Variants in ADAMTS3 observed in about 807,000 individuals in gnomAD.
ADAMTS3 encodes ADAM metallopeptidase with thrombospondin type 1 motif 3, also known as A disintegrin and metalloproteinase with thrombospondin motifs 3.
ADAMTS3 carries 73 observed loss-of-function variants against 129.0 expected under a neutral mutation model. That is an observed-to-expected ratio of 0.57 (90% CI 0.47 to 0.69). ADAMTS3 has a LOEUF of 0.69. Ranked by LOEUF, ADAMTS3 falls within the 30% of genes least tolerant of loss-of-function variation. The pLI, the probability that ADAMTS3 is intolerant of heterozygous loss-of-function variation, is 0.00. For missense variants in ADAMTS3, 1,457 were observed against 1,514.5 expected, an observed-to-expected ratio of 0.96 and a Z score of 0.63; for synonymous variants, 477 against 510.8, an observed-to-expected ratio of 0.93 and a Z score of 0.89.
At chr4:72,547,898 T>A (rs1219607473) in intron 3 of ADAMTS3, among the ~76,000 whole-genome samples, 4 of 152,042 alleles carry the variant, frequency 2.6e-5, no homozygotes, top group Non-Finnish European at 5.9e-5. Flanking sequence ...ACCACAAAAC[T>A]GAAAAGCAAC....
At chr4:72,492,058 A>G (rs2110015877) in intron 3 of ADAMTS3, among the ~76,000 whole-genome samples, 1 of 151,758 alleles carries the variant, frequency 6.6e-6, no homozygotes, top group East Asian at 1.9e-4. Flanking sequence ...TCGGGATATA[A>G]TTGTTTATAA....
At chr4:72,450,448 G>A (rs1307917833) in intron 3 of ADAMTS3, among the ~76,000 whole-genome samples, 1 of 151,620 alleles carries the variant, frequency 6.6e-6, no homozygotes, top group Non-Finnish European at 1.5e-5. Flanking sequence ...AGGCATCCAA[G>A]TGACAAAAAC....
At chr4:72,413,182 G>A (rs1722222642) in intron 4 of ADAMTS3, among the ~76,000 whole-genome samples, 1 of 151,796 alleles carries the variant, frequency 6.6e-6, no homozygotes, top group Admixed American at 6.6e-5. Context: ...GTAGTAATAG[G>A]GTACAGCCTG....
At chr4:72,546,255 C>T (rs1469535480) in intron 3 of ADAMTS3, among the ~76,000 whole-genome samples, 1 of 152,074 alleles carries the variant, frequency 6.6e-6, no homozygotes, top group Non-Finnish European at 1.5e-5. Flanking sequence ...TTGTTAACCT[C>T]AAGCTTCCAA....
At chr4:72,466,343 T>C (rs1054768357) in intron 3 of ADAMTS3, among the ~76,000 whole-genome samples, 2 of 152,042 alleles carry the variant, frequency 1.3e-5, no homozygotes, top group African/African-American at 4.8e-5. Context: ...GAGTTTGGAT[T>C]GTATTCTTGA....
At chr4:72,493,533 TAGAA>T (rs1272932385) in intron 3 of ADAMTS3, among the ~76,000 whole-genome samples, 1 of 152,060 alleles carries the variant, frequency 6.6e-6, no homozygotes, top group East Asian at 1.9e-4. Context: ...TGTGTTCTTG[TAGAA>T]AGAGTGTGCT....
chr4:72,380,272 T>G (rs1578629755), intron 4 of ADAMTS3, among the ~76,000 whole-genome samples: 1 of 152,040 alleles, frequency 6.6e-6, no homozygotes, highest in Non-Finnish European at 1.5e-5. Context: ...AAAGACCAAG[T>G]AGAAGCCACT....
chr4:72,437,436 C>A (rs1304788512), intron 3 of ADAMTS3, among the ~76,000 whole-genome samples: 1 of 151,756 alleles, frequency 6.6e-6, no homozygotes, highest in African/African-American at 2.4e-5. Flanking sequence ...TTTATTGCAA[C>A]ACAAAGATTA....
intron 4 of ADAMTS3, among the ~76,000 whole-genome samples, chr4:72,362,341 T>C (rs1308986661): frequency 6.6e-6 from 1 of 152,166 alleles, no homozygotes; most frequent in Non-Finnish European, 1.5e-5. Context: ...GAATTCTAAA[T>C]GTGTGGCAGA....
intron 3 of ADAMTS3, among the ~76,000 whole-genome samples, chr4:72,433,527 T>C (rs1722747209): frequency 6.6e-6 from 1 of 151,970 alleles, no homozygotes; most frequent in Non-Finnish European, 1.5e-5. Context: ...CTAATGTGTG[T>C]CAGGCAGAAT....
chr4:72,392,909 C>T (rs1053601306), intron 4 of ADAMTS3, among the ~76,000 whole-genome samples: 2 of 141,694 alleles, frequency 1.4e-5, no homozygotes, highest in African/African-American at 5.1e-5. Flanking sequence ...TTCTTCTACC[C>T]ATCGGATTTT....
At chr4:72,447,780 A>G (rs1303293089) in intron 3 of ADAMTS3, among the ~76,000 whole-genome samples, 1 of 151,740 alleles carries the variant, frequency 6.6e-6, no homozygotes, top group Non-Finnish European at 1.5e-5. Context: ...AAATGCAGAA[A>G]CCATCAGATA....
chr4:72,464,789 G>T (rs544148868), intron 3 of ADAMTS3, among the ~76,000 whole-genome samples: 137 of 152,178 alleles, frequency 9.0e-4, no homozygotes, highest in Non-Finnish European at 2.9e-4. Context: ...GAGATAGTTT[G>T]GAAAAGTAGT....
intron 4 of ADAMTS3, among the ~76,000 whole-genome samples, chr4:72,397,188 C>T (rs1457466914): frequency 6.6e-6 from 1 of 152,140 alleles, no homozygotes. Context: ...TAGTACATAA[C>T]TTCTGTGAGT....
At chr4:72,300,639 CTG>C in intron 17 of ADAMTS3, among the ~76,000 whole-genome samples, 1 of 152,132 alleles carries the variant, frequency 6.6e-6, no homozygotes, top group Middle Eastern at 3.4e-3. Context: ...GCTAAAACAA[CTG>C]GACATTGTGA....
chr4:72,393,013 C>A (rs1230951570), intron 4 of ADAMTS3, among the ~76,000 whole-genome samples: 1 of 151,536 alleles, frequency 6.6e-6, no homozygotes, highest in African/African-American at 2.4e-5. Flanking sequence ...ACAACCTCTG[C>A]CTCCCAGGTT....
chr4:72,470,374 TATACACAC>T (rs1308379863), intron 3 of ADAMTS3, among the ~76,000 whole-genome samples: 3 of 144,086 alleles, frequency 2.1e-5, no homozygotes, highest in East Asian at 2.0e-4. Flanking sequence ...TATATATATA[TATACACAC>T]ACACACACAC....
intron 4 of ADAMTS3, among the ~76,000 whole-genome samples, chr4:72,346,315 CTGAAATCT>C (rs1720282896): frequency 6.6e-6 from 1 of 152,154 alleles, no homozygotes; most frequent in Non-Finnish European, 1.5e-5. Flanking sequence ...ACCCACCTTG[CTGAAATCT>C]TTTTCAGATC....
chr4:72,319,186 T>G, intron 9 of ADAMTS3, 146 bp downstream of exon 9: 1 of 903,606 alleles, frequency 1.1e-6, no homozygotes, highest in Non-Finnish European at 1.6e-6. Context: ...AAAATTTTTG[T>G]GCTGAATGTT....
Sources: allele counts gnomAD v4.1 joint callset (sites outside exome capture counted in the v4.1 genomes callset), GRCh38; gene constraint gnomAD v4.1.1; transcripts MANE v1.5; gene names NCBI Gene and HGNC (gene_info 2026-07-23, HGNC 2026-07-21).